Variants in DIAPH2 observed in about 807,000 individuals in gnomAD.
DIAPH2 encodes the protein diaphanous related formin 2, also known as protein diaphanous homolog 2.
In DIAPH2, 35 loss-of-function variants were observed where a neutral mutation model predicts 92.7. The ratio of observed to expected loss-of-function variants is 0.38; its 90% CI spans 0.29 to 0.50. The LOEUF (loss-of-function observed/expected upper bound fraction) is 0.50, where lower values mean the gene tolerates loss of function less well. Among genes scored for constraint, DIAPH2 ranks in the 20% least tolerant of loss-of-function variants. The probability of loss-of-function intolerance (pLI) is 0.94; values close to 1 mark genes in which losing one functional copy is unlikely to be tolerated. For missense variants in DIAPH2, 701 were observed against 819.5 expected (o/e 0.86, Z 1.77); for synonymous variants, 301 against 280.4 (o/e 1.07, Z -0.73).
chrX:97,368,262 A>G (rs2069402293), intron 24 of DIAPH2, among the ~76,000 whole-genome samples: 1 of 112,189 alleles, frequency 8.9e-6, no homozygotes, highest in Non-Finnish European at 1.9e-5. Context: ...TGTTCTTTAA[A>G]TACATATCCA....
At chrX:97,115,348 C>T (rs1416443961) in intron 21 of DIAPH2, among the ~76,000 whole-genome samples, 1 of 110,170 alleles carries the variant, frequency 9.1e-6, no homozygotes, top group Non-Finnish European at 1.9e-5. Context: ...ACAGCCTGGC[C>T]AGCATGGTGA....
chrX:97,140,811 T>C (rs2067204154), intron 21 of DIAPH2, among the ~76,000 whole-genome samples: 1 of 111,858 alleles, frequency 8.9e-6, no homozygotes, highest in Non-Finnish European at 1.9e-5. Context: ...AGAGTAATCC[T>C]TAAAGCTAAA....
intron 17 of DIAPH2, among the ~76,000 whole-genome samples, chrX:97,052,383 A>G (rs958238163): frequency 9.0e-6 from 1 of 111,154 alleles, no homozygotes; most frequent in South Asian, 3.8e-4. Context: ...GTAGACTACA[A>G]GGTTCGTGTT....
chrX:97,032,836 G>C (rs781708912), intron 17 of DIAPH2, among the ~76,000 whole-genome samples: 1 of 111,598 alleles, frequency 9.0e-6, no homozygotes, highest in East Asian at 2.8e-4. Context: ...CAGAGAGTCT[G>C]ACTTATGTGA....
chrX:97,513,878 C>A (rs866501267), intron 26 of DIAPH2, among the ~76,000 whole-genome samples: 7 of 103,145 alleles, frequency 6.8e-5, no homozygotes, highest in African/African-American at 2.6e-4. Context: ...CCGAGAGATC[C>A]GCTGTTAGTC....
intron 25 of DIAPH2, among the ~76,000 whole-genome samples, chrX:97,392,227 T>C (rs1391632057): frequency 9.0e-6 from 1 of 111,430 alleles, no homozygotes; most frequent in Non-Finnish European, 1.9e-5. Flanking sequence ...CCTCTTATAG[T>C]TTTAGTGAAG....
At chrX:97,429,822 AG>A (rs1265302902) in intron 26 of DIAPH2, 77 bp downstream of exon 26, 3 of 914,065 alleles carry the variant, frequency 3.3e-6, no homozygotes, top group African/African-American at 2.0e-5. Context: ...AAAAAAAAAA[AG>A]GAAAAATAAA....
At chrX:97,334,077 G>T (rs761607762) in intron 23 of DIAPH2, among the ~76,000 whole-genome samples, 1 of 111,162 alleles carries the variant, frequency 9.0e-6, no homozygotes, top group East Asian at 2.8e-4. Flanking sequence ...ACATTAACAT[G>T]CATTTCATTC....
intron 26 of DIAPH2, among the ~76,000 whole-genome samples, chrX:97,587,245 T>G (rs1372686288): frequency 1.8e-5 from 2 of 109,789 alleles, no homozygotes; most frequent in Non-Finnish European, 3.8e-5. Flanking sequence ...GAATTGAATT[T>G]CAGCAGGTTG....
At chrX:97,112,765 CTTTTTTTTTTT>C (rs60721723) in intron 20 of DIAPH2, among the ~76,000 whole-genome samples, 5 of 37,236 alleles carry the variant, frequency 1.3e-4, no homozygotes, top group Admixed American at 5.1e-4. Context: ...CCCTTTCTTT[CTTTTTTTTTTT>C]TTTTTTTTTT....
chrX:97,603,636 AGAC>A lies in DIAPH2; in HGVS notation c.*4320_*4322del, dbSNP rs1199037854. 8.9e-6 allele frequency: 1 copy of A among 112,270 alleles called. No individual in the cohort carries two copies. The highest frequency in any genetic ancestry group is 1.9e-5 in the Non-Finnish European group (1 of 53,292). 9.3% of individuals were successfully genotyped at this position (112,270 alleles called of 1,213,427 possible). A position where few individuals can be genotyped will look rare whatever the true frequency, so the allele number is the denominator to read the frequency against. ...GAAACTAAGCTATATCTCTAACACT[AGAC>A]TTGAAAATTTCCTCAGCTAAACATC... On this transcript the variant is annotated 3_prime_UTR_variant, in exon 27 of 27. Transcript: ENST00000324765.
chrX:96,867,499 C>T (rs887327436), intron 4 of DIAPH2, among the ~76,000 whole-genome samples: 4 of 111,454 alleles, frequency 3.6e-5, no homozygotes, highest in African/African-American at 6.5e-5. Context: ...AGATTACAAG[C>T]GTGAGCCACC....
chrX:97,290,477 C>T (rs1475744777), intron 23 of DIAPH2, among the ~76,000 whole-genome samples: 2 of 111,785 alleles, frequency 1.8e-5, no homozygotes, highest in African/African-American at 6.5e-5. Flanking sequence ...TGTGTGGCCA[C>T]AAAAAGTATG....
At chrX:96,939,189 GT>G in intron 11 of DIAPH2, 76 bp from the exon 12 acceptor site, 2 of 456,001 alleles carry the variant, frequency 4.4e-6, no homozygotes, top group Admixed American at 7.0e-5. Context: ...ATAAGTCAAT[GT>G]TTTAAAAAGT....
intron 17 of DIAPH2, among the ~76,000 whole-genome samples, chrX:97,072,096 A>G (rs1195215212): frequency 1.8e-5 from 2 of 111,626 alleles, no homozygotes; most frequent in Non-Finnish European, 3.8e-5. Context: ...GGTAGCTGTA[A>G]AATTTCTATA....
chrX:97,351,830 C>T (rs2069218306), intron 24 of DIAPH2, among the ~76,000 whole-genome samples: 1 of 110,600 alleles, frequency 9.0e-6, no homozygotes, highest in Non-Finnish European at 1.9e-5. Context: ...AAAAAAGTGA[C>T]ATTAGGGCAG....
intron 2 of DIAPH2, among the ~76,000 whole-genome samples, chrX:96,736,682 C>T (rs905953645): frequency 1.8e-5 from 2 of 112,225 alleles, no homozygotes; most frequent in East Asian, 2.8e-4. Flanking sequence ...GGATTACAGG[C>T]GTGAGCCACC....
At chrX:97,543,080 G>A (rs1350981156) in intron 26 of DIAPH2, among the ~76,000 whole-genome samples, 1 of 112,632 alleles carries the variant, frequency 8.9e-6, no homozygotes, top group Non-Finnish European at 1.9e-5. Flanking sequence ...CAGCCTGGCA[G>A]TTCCTGCCAC....
chrX:97,015,437 C>G (rs751748087), intron 17 of DIAPH2, among the ~76,000 whole-genome samples: 7 of 111,653 alleles, frequency 6.3e-5, no homozygotes, highest in Non-Finnish European at 1.1e-4. Context: ...TTTCCATTGT[C>G]TTTCCTATGT....
Sources: allele counts gnomAD v4.1 joint callset (sites outside exome capture counted in the v4.1 genomes callset), GRCh38; gene constraint gnomAD v4.1.1; transcripts MANE v1.5; gene names NCBI Gene and HGNC (gene_info 2026-07-23, HGNC 2026-07-21).